DPYSL4: variants seen among roughly 807,000 people sequenced by gnomAD.
DPYSL4 encodes the protein dihydropyrimidinase like 4.
DPYSL4 carries 43 observed loss-of-function variants against 63.4 expected under a neutral mutation model. The observed-to-expected ratio is 0.68, with a 90% CI of 0.53 to 0.88. The LOEUF is 0.88. DPYSL4 is among the 40% of genes least tolerant of loss of function. The probability of loss-of-function intolerance (pLI) is 0.00; values close to 1 mark genes in which losing one functional copy is unlikely to be tolerated. For missense variants in DPYSL4, 733 were observed against 819.5 expected (o/e 0.89, Z 1.29); for synonymous variants, 353 against 331.7 (o/e 1.06, Z -0.70).
chr10:132,189,178 C>T (rs761375650), intron 1 of DPYSL4, among the ~76,000 whole-genome samples: 3 of 152,244 alleles, frequency 2.0e-5, no homozygotes, highest in Non-Finnish European at 4.4e-5. Flanking sequence ...GGCGGCCGGA[C>T]CTCCCTGTTA....
At position 132,199,052 on chromosome 10, in the gene DPYSL4, CCT is replaced by C. The variant is rs1005025511; in HGVS notation, c.811+82_811+83del. ...TGCAGCCCTGGGGAGATGCAGGTTC[CCT>C]GAGTCCCTGCATCGGGGCGGGGCAC... On this transcript the variant is annotated intron_variant, in intron 8 of 13. Coordinates refer to ENST00000338492, the MANE Select transcript of DPYSL4 (RefSeq NM_006426.3). The C allele has an allele frequency of 1.2e-5, 18 of 1,516,276 alleles. No individual in the cohort carries two copies. The African/African-American group carries it at 2.2e-4, about 18-fold the overall frequency. The allele number at this position is 1,516,276 out of a possible 1,614,324, so 93.9% of individuals were successfully genotyped here.
chr10:132,192,855 G>A lies in DPYSL4; in HGVS notation c.313+13G>A, dbSNP rs765941321. On this transcript the variant is annotated intron_variant, in intron 3 of 13. Transcript: ENST00000338492. ...ACCACCATGATCTGTGAGTGTCTGG[G>A]TCTCCTCCTCTACAGGGGGCAGCCA... 1.9e-6 allele frequency: 3 copies of A among 1,597,548 alleles called. No individual in the cohort carries two copies. The highest frequency in any genetic ancestry group is 1.7e-5 in the Admixed American group (1 of 58,690).
At chr10:132,199,562 G>T (rs1204690539) in intron 8 of DPYSL4, among the ~76,000 whole-genome samples, 1 of 152,044 alleles carries the variant, frequency 6.6e-6, no homozygotes, top group Non-Finnish European at 1.5e-5. Flanking sequence ...GGTAAATGAG[G>T]GGGCATCCCC....
In DPYSL4 at chr10:132,192,904, C is replaced by G. The variant is rs753293889; in HGVS notation, c.313+62C>G. On this transcript the variant is annotated intron_variant, in intron 3 of 13. Transcript: ENST00000338492. ...CAGCGTCTGCTGCCCCTCTCTCTGGCCAGGTGTGTGTGGGAGGAGGAGTGT... is the reference window on the plus strand; with the variant it reads ...CAGCGTCTGCTGCCCCTCTCTCTGGGCAGGTGTGTGTGGGAGGAGGAGTGT... 8.1e-4 allele frequency: 1,225 copies of G among 1,503,542 alleles called. 2 individuals carry two copies. The highest frequency in any genetic ancestry group is 8.9e-4 in the Non-Finnish European group (993 of 1,120,218). The allele number at this position is 1,503,542 out of a possible 1,614,324, so 93.1% of individuals were successfully genotyped here.
intron 4 of DPYSL4, 142 bp from the exon 5 acceptor site, chr10:132,196,719 C>T (rs1181877999): frequency 1.4e-5 from 13 of 901,842 alleles, no homozygotes; most frequent in African/African-American, 1.6e-5. Flanking sequence ...GGGGACTGCT[C>T]CCAGGGCTGG....
Position 132,187,037 on chromosome 10 carries a change from C to A in DPYSL4, c.-27C>A. On this transcript the variant is annotated 5_prime_UTR_variant, in exon 1 of 14. Transcript: ENST00000338492. ...CGCCCGCCCGCCCCCGCTTGTGCCGCCCCTACCAGAGACCCCCAGGAGCAG... is the reference window on the plus strand; with the variant it reads ...CGCCCGCCCGCCCCCGCTTGTGCCGACCCTACCAGAGACCCCCAGGAGCAG... 8.2e-7 allele frequency: 1 copy of A among 1,226,922 alleles called. No individual in the cohort carries two copies. The highest frequency in any genetic ancestry group is 1.1e-6 in the Non-Finnish European group (1 of 926,806). 76.0% of individuals were successfully genotyped at this position (1,226,922 alleles called of 1,614,324 possible). A position where few individuals can be genotyped will look rare whatever the true frequency, so the allele number is the denominator to read the frequency against.
chr10:132,187,104 T>G lies in DPYSL4; in HGVS notation c.39+2T>G. 1 of 1,462,806 alleles carries G rather than the reference T, an allele frequency of 6.8e-7. No homozygotes were observed. The highest frequency in any genetic ancestry group is 9.2e-7 in the Non-Finnish European group (1 of 1,087,786). The allele number at this position is 1,462,806 out of a possible 1,614,324, so 90.6% of individuals were successfully genotyped here. A position where few individuals can be genotyped will look rare whatever the true frequency, so the allele number is the denominator to read the frequency against. On this transcript the variant is annotated splice_donor_variant, in intron 1 of 13. Coordinates refer to ENST00000338492, the MANE Select transcript of DPYSL4 (RefSeq NM_006426.3). LOFTEE classifies it high-confidence loss of function. Reference sequence around the variant, plus strand: ...AAGAAAAGCATCCCCCGGATCACGGTGAGCCCGGTCCCGCTTCGCCCGGCG... The same window carrying G: ...AAGAAAAGCATCCCCCGGATCACGGGGAGCCCGGTCCCGCTTCGCCCGGCG...
Position 132,197,065 on chromosome 10 carries a change from C to G in DPYSL4, c.585C>G (p.Ala195=), listed in dbSNP as rs772052741. Residue 195 remains alanine (A), a synonymous_variant, in exon 6 of 14, where the codon GCC becomes GCG. Coordinates refer to ENST00000338492, the MANE Select transcript of DPYSL4 (RefSeq NM_006426.3). ...TCATCCGGGACCTGGGGGCCTTGGCCCAGGTGCACGCTGAGAACGGGGACA... is the reference window on the plus strand; with the variant it reads ...TCATCCGGGACCTGGGGGCCTTGGCGCAGGTGCACGCTGAGAACGGGGACA... The part of the protein sequence containing the change: ...FSIIRDLGAL[A]QVHAENGDIV... The G allele has an allele frequency of 5.1e-6, 8 of 1,567,794 alleles. No individual in the cohort carries two copies. The South Asian group carries it at 9.3e-5, about 18-fold the overall frequency.
At chr10:132,202,973 G>C in intron 12 of DPYSL4, 148 bp downstream of exon 12, 1 of 979,448 alleles carries the variant, frequency 1.0e-6, no homozygotes, top group Non-Finnish European at 1.4e-6. Context: ...GCCCTGGTGG[G>C]TCTAAGTGGA....
chr10:132,201,663 C>G (rs765374909), intron 10 of DPYSL4, among the ~76,000 whole-genome samples: 3 of 152,240 alleles, frequency 2.0e-5, no homozygotes, highest in Non-Finnish European at 4.4e-5. Flanking sequence ...GGCTGGAGCC[C>G]TGTCCTGATC....
At chr10:132,192,077 T>G (rs200010901) in intron 2 of DPYSL4, among the ~76,000 whole-genome samples, 6 of 142,662 alleles carry the variant, frequency 4.2e-5, no homozygotes, top group South Asian at 2.3e-4. Flanking sequence ...TTCCCAGCTC[T>G]TGTGTACACA....
rs774853687 is a variant in DPYSL4 at position 132,204,978 on chromosome 10, C to T, written c.*48C>T. ...GCCGTGCTGGCCCCACCCGAGGCCG[C>T]GGGGGCCCCAGGGCACTCGCCCCCC... is the stretch of plus-strand genomic sequence containing the variant. On this transcript the variant is annotated 3_prime_UTR_variant, in exon 14 of 14. Coordinates refer to ENST00000338492, the MANE Select transcript of DPYSL4 (RefSeq NM_006426.3). 1.5e-5 allele frequency: 23 copies of T among 1,514,480 alleles called. No homozygotes were observed. The highest frequency in any genetic ancestry group is 2.1e-5 in the Non-Finnish European group (23 of 1,118,870). 93.8% of individuals were successfully genotyped at this position (1,514,480 alleles called of 1,614,324 possible).
Position 132,202,648 on chromosome 10 carries a change from C to G in DPYSL4, c.1284C>G (p.Asn428Lys). Residue 428 changes from asparagine (N) to lysine (K), a missense_variant and splice_region_variant, in exon 12 of 14, where the codon AAC becomes AAG. Asn to Lys is a moderately conservative substitution (Grantham distance 94, BLOSUM62 0). Transcript: ENST00000338492. ...KIISAKTHNL[N>K]VEYNIFEGVE... Reference sequence around the variant, plus strand: ...GACCCTCGGGCCTCTCTCCCCAGAACGTGGAGTACAACATCTTCGAGGGAG... The same window carrying G: ...GACCCTCGGGCCTCTCTCCCCAGAAGGTGGAGTACAACATCTTCGAGGGAG... The G allele has an allele frequency of 6.2e-7, 1 of 1,612,328 alleles. No homozygotes were observed.
rs751632748 is a variant in DPYSL4, at chr10:132,203,857, C to A, written c.1557C>A (p.Arg519=). The A allele has an allele frequency of 1.2e-6, 2 of 1,612,922 alleles. No homozygotes were observed. The highest frequency in any genetic ancestry group is 1.7e-6 in the Non-Finnish European group (2 of 1,179,814). The change falls in exon 13 of 14, where the codon CGC becomes CGA. Residue 519 remains arginine, a synonymous_variant. Coordinates refer to ENST00000338492, the MANE Select transcript of DPYSL4 (RefSeq NM_006426.3). ...AGCCAGGGAGTGGCGCTCCGGCCCG[C>A]GCGTCCTGCCCAGGCAAGATCTCCG... is the stretch of plus-strand genomic sequence containing the variant. The part of the protein sequence containing the change: ...PAKPGSGAPA[R]ASCPGKISVP...
intron 13 of DPYSL4, 88 bp from the exon 14 acceptor site, chr10:132,204,751 C>A: frequency 8.4e-7 from 1 of 1,187,102 alleles, no homozygotes; most frequent in Non-Finnish European, 1.2e-6. Context: ...GCCCCACTGA[C>A]GCAGCCACTG....
At chr10:132,201,800 G>A in intron 10 of DPYSL4, 146 bp from the exon 11 acceptor site, 2 of 851,298 alleles carry the variant, frequency 2.3e-6, no homozygotes, top group Non-Finnish European at 3.5e-6. Flanking sequence ...CCTTGTGGGG[G>A]GCCTGGTGGT....
intron 3 of DPYSL4, among the ~76,000 whole-genome samples, chr10:132,194,250 G>A (rs562986578): frequency 2.6e-4 from 40 of 152,372 alleles, no homozygotes; most frequent in East Asian, 7.7e-4. Context: ...CCTCCTGTCC[G>A]ACCACCTGGC....
chr10:132,203,823 T>C lies in DPYSL4; in HGVS notation c.1523T>C (p.Val508Ala). The change falls in exon 13 of 14, where the codon GTG (valine) becomes GCG (alanine). Residue 508 changes from valine to alanine, a missense_variant. By Grantham distance (64) the Val-to-Ala change is moderately conservative (BLOSUM62 0). Transcript: ENST00000338492. ...LYDGPVHEVM[V>A]PAKPGSGAPA... ...GACGGGCCCGTCCACGAGGTGATGG[T>C]GCCTGCCAAGCCAGGGAGTGGCGCT... 6.2e-7 allele frequency: 1 copy of C among 1,612,584 alleles called. No homozygotes were observed. The highest frequency in any genetic ancestry group is 8.5e-7 in the Non-Finnish European group (1 of 1,179,744).
intron 1 of DPYSL4, among the ~76,000 whole-genome samples, chr10:132,187,785 T>C (rs1480438533): frequency 6.6e-6 from 1 of 152,016 alleles, no homozygotes; most frequent in Non-Finnish European, 1.5e-5. Context: ...CAGAGACCCC[T>C]CCCCAACACC....
Sources: gnomAD v4.1 joint callset for allele counts (sites outside exome capture counted in the v4.1 genomes callset) on GRCh38, gnomAD v4.1.1 for gene constraint, MANE v1.5 for transcripts, NCBI Gene and HGNC (gene_info 2026-07-23, HGNC 2026-07-21) for gene names.